The following MOB3A variants were observed in gnomAD, a reference collection of about 807,000 sequenced individuals.
MOB3A encodes the protein MOB kinase activator 3A.
In MOB3A, 17 loss-of-function variants were observed where a neutral mutation model predicts 17.8. The observed-to-expected ratio is 0.95, with a 90% CI of 0.65 to 1.43. The LOEUF (loss-of-function observed/expected upper bound fraction) is 1.43. Ranked by LOEUF, MOB3A falls within the 40% of genes most tolerant of loss-of-function variation. MOB3A has a pLI of 0.00. For synonymous variants in MOB3A, 124 were observed against 133.2 expected, an observed-to-expected ratio of 0.93 and a Z score of 0.48; for missense variants, 333 against 310.8, an observed-to-expected ratio of 1.07 and a Z score of -0.54.
At chr19:2,085,512 C>T (rs904780210) in intron 1 of MOB3A, 184 bp from the exon 2 acceptor site, 4 of 152,370 alleles carry the variant, frequency 2.6e-5, no homozygotes, top group African/African-American at 7.3e-5. Flanking sequence ...GCCACTGCCT[C>T]GGGGACCGCT....
chr19:2,071,441 GGA>G lies in MOB3A; in HGVS notation c.*1952_*1953del, dbSNP rs944496374. 6.6e-6 allele frequency: 1 copy of G among 152,400 alleles called. No homozygotes were observed. The highest frequency in any genetic ancestry group is 2.4e-5 in the African/African-American group (1 of 41,470). 9.4% of individuals were successfully genotyped at this position (152,400 alleles called of 1,614,324 possible). ...TTGTTCGATTTTCTGGCAGAAGCCA[GGA>G]GAGACGGGGACAGCGTGCTTCTCTT... is the stretch of plus-strand genomic sequence containing the variant. On this transcript the variant is annotated 3_prime_UTR_variant, in exon 5 of 5. Coordinates refer to ENST00000357066, the MANE Select transcript of MOB3A (RefSeq NM_130807.3).
chr19:2,075,565 A>G (rs1193254395), intron 4 of MOB3A, among the ~76,000 whole-genome samples: 2 of 152,088 alleles, frequency 1.3e-5, no homozygotes, highest in Admixed American at 6.6e-5. Context: ...CCACATCCAT[A>G]CAGCGCCCAG....
chr19:2,086,694 T>A (rs984494225), intron 1 of MOB3A, among the ~76,000 whole-genome samples: 2 of 152,198 alleles, frequency 1.3e-5, no homozygotes, highest in Non-Finnish European at 2.9e-5. Flanking sequence ...CTGCTCCTGG[T>A]GCTGGTAGGC....
intron 1 of MOB3A, among the ~76,000 whole-genome samples, chr19:2,090,754 A>G (rs752295718): frequency 6.6e-6 from 1 of 151,694 alleles, no homozygotes; most frequent in Non-Finnish European, 1.5e-5. Flanking sequence ...ACCTCCGCCT[A>G]CTGGGTTCAC....
At position 2,094,159 on chromosome 19, in the gene MOB3A, GC is replaced by G. The variant is rs1186946206; in HGVS notation, c.-274+2066del. 4.1e-5 allele frequency among the ~76,000 whole-genome samples: 6 copies of G among 146,400 alleles called. No homozygotes were observed. In the East Asian group the frequency reaches 1.2e-3, roughly 30 times the overall value. ...CCTCCAGGGTTCATGCCATTCTCTT[GC>G]CTCAGCCTCCCGAGTAGCTGGGACT... On this transcript the variant is annotated intron_variant, in intron 1 of 4. Transcript: ENST00000357066.
intron 2 of MOB3A, among the ~76,000 whole-genome samples, chr19:2,084,590 T>C (rs2017529546): frequency 6.6e-6 from 1 of 151,908 alleles, no homozygotes; most frequent in Non-Finnish European, 1.5e-5. Flanking sequence ...CGGTTTTTTT[T>C]TTCCTTTTTA....
In MOB3A at chr19:2,075,502, T is replaced by C. The variant is rs553067940; in HGVS notation, c.624+1309A>G. On this transcript the variant is annotated intron_variant, in intron 4 of 4. Coordinates refer to ENST00000357066, the MANE Select transcript of MOB3A (RefSeq NM_130807.3). The stretch of plus-strand genomic sequence containing the variant: ...TAAAAAATCAGCCGGGCGTGCTGGC[T>C]GTGGTCCCAGCTACTCGGAGGCTGG... Among the ~76,000 whole-genome samples, 74 of 152,158 alleles carry C rather than the reference T, an allele frequency of 4.9e-4. 1 individual carries two copies. Among genetic ancestry groups the C allele is most frequent in the Non-Finnish European group, 8.4e-4 (57 of 68,002 alleles).
Position 2,072,746 on chromosome 19 carries a change from CAA to C in MOB3A, c.*647_*648del, listed in dbSNP as rs770816636. On this transcript the variant is annotated 3_prime_UTR_variant, in exon 5 of 5. Coordinates refer to ENST00000357066, the MANE Select transcript of MOB3A (RefSeq NM_130807.3). ...GCGAGACCCCTGTCTCTAGTATGAC[CAA>C]AAAAAAAAAAATCTGTAGAAAAATG... 2.2e-5 allele frequency: 3 copies of C among 134,822 alleles called. No individual in the cohort carries two copies. The highest frequency in any genetic ancestry group is 2.3e-4 in the South Asian group (1 of 4,316). The allele number at this position is 134,822 out of a possible 1,614,324, so 8.4% of individuals were successfully genotyped here.
chr19:2,093,669 GC>G lies in MOB3A; in HGVS notation c.-274+2556del, dbSNP rs1246518558. 6.6e-6 allele frequency among the ~76,000 whole-genome samples: 1 copy of G among 152,132 alleles called. No homozygotes were observed. The highest frequency in any genetic ancestry group is 6.5e-5 in the Admixed American group (1 of 15,274). ...GGCCAGCACATCCCAATTCGGACCA[GC>G]CACATTGCAAGGCCTCCACAGCCAC... On this transcript the variant is annotated intron_variant, in intron 1 of 4. Transcript: ENST00000357066. This position sits in a 1 kb window ranked among gnomAD's most constrained non-coding sequence, Gnocchi z 4.6.
At chr19:2,095,400 G>A (rs2017669109) in intron 1 of MOB3A, 1 of 152,176 alleles carries the variant, frequency 6.6e-6, no homozygotes, top group Non-Finnish European at 1.5e-5. Context: ...TCCCTGGCGG[G>A]CGCCTCCTTC....
chr19:2,078,517 G>A lies in MOB3A; in HGVS notation c.44C>T (p.Thr15Ile). ...FLKQVFNKDK[T>I]FRPKRKFEPG... is the part of the protein sequence containing the mutation. ...CTCAAACTTGCGCTTGGGGCGGAATGTCTTGTCCTTGTTGAAGACTTGCTT... is the reference window on the plus strand; with the variant it reads ...CTCAAACTTGCGCTTGGGGCGGAATATCTTGTCCTTGTTGAAGACTTGCTT... The change falls in exon 3 of 5, where the codon ACA becomes ATA. Residue 15 changes from threonine (T) to isoleucine (I), a missense_variant. Transcript: ENST00000357066. 1 of 1,596,488 alleles carries A rather than the reference G, an allele frequency of 6.3e-7. No homozygotes were observed. The highest frequency in any genetic ancestry group is 8.6e-7 in the Non-Finnish European group (1 of 1,168,316).
At chr19:2,091,497 C>T (rs868571754) in intron 1 of MOB3A, among the ~76,000 whole-genome samples, 6 of 151,758 alleles carry the variant, frequency 4.0e-5, no homozygotes, top group South Asian at 4.2e-4. Context: ...AATTCTCCTG[C>T]CTCAGCCTCC....
intron 1 of MOB3A, among the ~76,000 whole-genome samples, 155 bp downstream of exon 1, chr19:2,096,071 C>G (rs576633033): frequency 7.2e-5 from 11 of 151,818 alleles, no homozygotes; most frequent in Non-Finnish European, 1.5e-4. Context: ...TCGGCCTCCC[C>G]GTAGCCTAAG....
intron 1 of MOB3A, among the ~76,000 whole-genome samples, chr19:2,086,638 G>C (rs111440636): frequency 6.6e-6 from 1 of 152,148 alleles, no homozygotes; most frequent in African/African-American, 2.4e-5. Context: ...GATTACAGGC[G>C]TGAGCCAGCA....
intron 4 of MOB3A, among the ~76,000 whole-genome samples, chr19:2,073,695 T>A (rs2017368882): frequency 6.6e-6 from 1 of 152,088 alleles, no homozygotes; most frequent in Non-Finnish European, 1.5e-5. Context: ...AAAAGCCACC[T>A]CAGACGATGG....
At chr19:2,086,755 G>A (rs117875792) in intron 1 of MOB3A, among the ~76,000 whole-genome samples, 3,722 of 152,130 alleles carry the variant, frequency 0.024, 85 homozygotes, top group Non-Finnish European at 0.038. Context: ...TCACCCAGGC[G>A]TGCATCCTGT....
intron 2 of MOB3A, among the ~76,000 whole-genome samples, 194 bp downstream of exon 2, chr19:2,084,981 C>T (rs938717767): frequency 1.3e-5 from 2 of 152,132 alleles, no homozygotes; most frequent in Admixed American, 6.6e-5. Context: ...ACCTCAGCCT[C>T]CCAAAGTGCT....
chr19:2,072,771 A>G lies in MOB3A; in HGVS notation c.*624T>C, dbSNP rs1298931518. On this transcript the variant is annotated 3_prime_UTR_variant, in exon 5 of 5. Transcript: ENST00000357066. ...CAAAAAAAAAAAAATCTGTAGAAAA[A>G]TGGAAGAGATTGGGGAGGGAGGAAA... 6.6e-6 allele frequency: 1 copy of G among 151,998 alleles called. No homozygotes were observed. Among genetic ancestry groups the G allele is most frequent in the African/African-American group, 2.4e-5 (1 of 41,362 alleles). 9.4% of individuals were successfully genotyped at this position (151,998 alleles called of 1,614,324 possible).
chr19:2,076,590 T>C (rs867675177), intron 4 of MOB3A, among the ~76,000 whole-genome samples: 4 of 152,320 alleles, frequency 2.6e-5, no homozygotes, highest in African/African-American at 9.6e-5. Flanking sequence ...CGGAGGAAAC[T>C]GCACCTGTCG....
Sources: gnomAD v4.1 joint callset for allele counts (sites outside exome capture counted in the v4.1 genomes callset) on GRCh38, gnomAD v4.1.1 for gene constraint, Gnocchi (gnomAD v3.1) non-coding constraint, MANE v1.5 for transcripts, NCBI Gene and HGNC (gene_info 2026-07-23, HGNC 2026-07-21) for gene names.